Variants in MYO10 observed in about 807,000 individuals in gnomAD.
MYO10 encodes unconventional myosin-X.
In MYO10, 133 loss-of-function variants were observed where a neutral mutation model predicts 257.3. That is an observed-to-expected ratio of 0.52 (90% confidence interval 0.45 to 0.60). The LOEUF (loss-of-function observed/expected upper bound fraction) is 0.60. Among genes scored for constraint, MYO10 ranks in the 20% least tolerant of loss-of-function variants. The pLI, the probability that MYO10 is intolerant of heterozygous loss-of-function variation, is 0.00. For synonymous variants in MYO10, 1,104 were observed against 1,028.6 expected, an observed-to-expected ratio of 1.07 and a Z score of -1.40; for missense variants, 2,399 against 2,635.7, an observed-to-expected ratio of 0.91 and a Z score of 1.97.
intron 37 of MYO10, among the ~76,000 whole-genome samples, chr5:16,671,959 C>A (rs115387351): frequency 0.016 from 2,464 of 152,206 alleles, 57 homozygotes; most frequent in African/African-American, 0.057. Flanking sequence ...AGCAGGAATA[C>A]CTTCGCGCTA....
At chr5:16,716,808 G>T (rs1031847424) in intron 19 of MYO10, among the ~76,000 whole-genome samples, 1 of 151,936 alleles carries the variant, frequency 6.6e-6, no homozygotes, top group Non-Finnish European at 1.5e-5. Flanking sequence ...AAATTAGGAA[G>T]GCAAAATGAC....
rs1430473318 is a variant in MYO10 at position 16,900,185 on chromosome 5, T to G, written c.22-22478A>C. Among the ~76,000 whole-genome samples the G allele has an allele frequency of 2.0e-5, 3 of 152,276 alleles. No homozygotes were observed. The East Asian group carries it at 5.8e-4, about 29-fold the overall frequency. ...TGAACACTGAATTGCACAGGTCGGTTCCTTATTTAAGTTATTGGTCGTTCA... is the reference window on the plus strand; with the variant it reads ...TGAACACTGAATTGCACAGGTCGGTGCCTTATTTAAGTTATTGGTCGTTCA... On this transcript the variant is annotated intron_variant, in intron 1 of 40. Transcript: ENST00000513610.
chr5:16,827,914 G>A (rs1358802570), intron 2 of MYO10, among the ~76,000 whole-genome samples: 2 of 152,152 alleles, frequency 1.3e-5, no homozygotes, highest in East Asian at 3.9e-4. Flanking sequence ...GAGAAGTCAG[G>A]AAACTTCCCC....
intron 21 of MYO10, among the ~76,000 whole-genome samples, chr5:16,708,457 G>T (rs1442456380): frequency 6.6e-6 from 1 of 152,192 alleles, no homozygotes; most frequent in Non-Finnish European, 1.5e-5. Context: ...AGCTGGATTA[G>T]TACTTGGAGC....
intron 2 of MYO10, among the ~76,000 whole-genome samples, chr5:16,861,980 T>TACC (rs1744121122): frequency 6.6e-6 from 1 of 152,120 alleles, no homozygotes; most frequent in African/African-American, 2.4e-5. Flanking sequence ...GATTGGCATG[T>TACC]ACCAGCATGG....
At chr5:16,809,039 T>A (rs1742355872) in intron 3 of MYO10, among the ~76,000 whole-genome samples, 1 of 152,052 alleles carries the variant, frequency 6.6e-6, no homozygotes, top group African/African-American at 2.4e-5. Context: ...AAGTTTCAAA[T>A]TGCCACTCTC....
intron 2 of MYO10, among the ~76,000 whole-genome samples, chr5:16,867,388 T>C (rs905071137): frequency 6.6e-6 from 1 of 151,984 alleles, no homozygotes; most frequent in Non-Finnish European, 1.5e-5. Context: ...GATGGTGTAC[T>C]GAACAGGAGG....
intron 19 of MYO10, among the ~76,000 whole-genome samples, chr5:16,744,640 T>G (rs1250730887): frequency 6.6e-6 from 1 of 151,988 alleles, no homozygotes; most frequent in Non-Finnish European, 1.5e-5. Flanking sequence ...TAAGCAGGCT[T>G]GCAGAGGGAG....
intron 1 of MYO10, among the ~76,000 whole-genome samples, chr5:16,897,658 G>A (rs1745253739): frequency 6.6e-6 from 1 of 152,198 alleles, no homozygotes; most frequent in Non-Finnish European, 1.5e-5. Flanking sequence ...AACAGACAAT[G>A]AAAATCTAGT....
chr5:16,788,224 A>T (rs1248264021), intron 4 of MYO10, among the ~76,000 whole-genome samples: 1 of 152,008 alleles, frequency 6.6e-6, no homozygotes, highest in Non-Finnish European at 1.5e-5. Flanking sequence ...GAAAGACTGG[A>T]GGGAAAGGGA....
At chr5:16,733,640 T>C (rs969991895) in intron 19 of MYO10, among the ~76,000 whole-genome samples, 5 of 152,172 alleles carry the variant, frequency 3.3e-5, no homozygotes, top group African/African-American at 1.2e-4. Context: ...ATTAAAGTGG[T>C]TGCCTGAAAG....
chr5:16,714,025 C>T (rs764384782), intron 19 of MYO10, among the ~76,000 whole-genome samples: 4 of 152,136 alleles, frequency 2.6e-5, no homozygotes, highest in Admixed American at 6.5e-5. Context: ...TTACTGAACA[C>T]CTACTATGTG....
intron 3 of MYO10, among the ~76,000 whole-genome samples, chr5:16,814,257 T>C (rs1742531590): frequency 6.6e-6 from 1 of 152,066 alleles, no homozygotes; most frequent in African/African-American, 2.4e-5. Flanking sequence ...TTTTCCTGCC[T>C]CAGCCTCCCG....
At chr5:16,738,953 T>A (rs1277535127) in intron 19 of MYO10, among the ~76,000 whole-genome samples, 2 of 147,752 alleles carry the variant, frequency 1.4e-5, no homozygotes, top group African/African-American at 5.0e-5. Context: ...CAATTTATAC[T>A]CCCAGCAGCA....
At chr5:16,673,631 T>C in intron 36 of MYO10, 51 bp downstream of exon 36, 1 of 1,555,516 alleles carries the variant, frequency 6.4e-7, no homozygotes, top group Non-Finnish European at 8.8e-7. Context: ...GACGCAGGTG[T>C]ATCTGCAGCA....
At chr5:16,869,319 G>A (rs1026632549) in intron 2 of MYO10, among the ~76,000 whole-genome samples, 12 of 151,276 alleles carry the variant, frequency 7.9e-5, no homozygotes, top group African/African-American at 1.2e-4. Context: ...GATTACAGGC[G>A]TGCACCACCG....
rs544255942 is a variant in MYO10, at chr5:16,755,720, C to CTTT, written c.1849-815_1849-813dup. ...TCTTTAATACTACTTTCTTTTCCAA[C>CTTT]TTTTTTTTTTTTTTTTTTTTTAGAG... is the stretch of plus-strand genomic sequence containing the variant. On this transcript the variant is annotated intron_variant, in intron 18 of 40. Transcript: ENST00000513610. 2.4e-3 allele frequency among the ~76,000 whole-genome samples: 311 copies of CTTT among 130,796 alleles called. 3 individuals are homozygous for CTTT. Among genetic ancestry groups the CTTT allele is most frequent in the Non-Finnish European group, 3.8e-3 (228 of 60,724 alleles). The allele number at this position is 130,796 out of a possible 152,430, so 85.8% of individuals were successfully genotyped here. A position where few individuals can be genotyped will look rare whatever the true frequency, so the allele number is the denominator to read the frequency against.
At chr5:16,776,501 T>C (rs967652919) in intron 9 of MYO10, among the ~76,000 whole-genome samples, 5 of 152,232 alleles carry the variant, frequency 3.3e-5, no homozygotes, top group African/African-American at 9.6e-5. Flanking sequence ...AAATATCTTT[T>C]ATAAGTAGAA....
intron 17 of MYO10, among the ~76,000 whole-genome samples, chr5:16,760,865 G>A (rs952178675): frequency 2.0e-5 from 3 of 151,870 alleles, no homozygotes; most frequent in Non-Finnish European, 2.9e-5. Context: ...TTCAAGGCTC[G>A]GTTTCCTCAT....
Sources: allele counts gnomAD v4.1 joint callset (sites outside exome capture counted in the v4.1 genomes callset), GRCh38; gene constraint gnomAD v4.1.1; transcripts MANE v1.5; gene names NCBI Gene and HGNC (gene_info 2026-07-23, HGNC 2026-07-21).